The following WARS1 variants were observed in gnomAD, a reference collection of about 807,000 sequenced individuals.
WARS1 encodes tryptophan--tRNA ligase, cytoplasmic.
In WARS1, 17 loss-of-function variants were observed where a neutral mutation model predicts 47.8. The observed-to-expected ratio is 0.36, with a 90% confidence interval of 0.24 to 0.53. WARS1 has a LOEUF of 0.53. Ranked by LOEUF, WARS1 falls within the 20% of genes least tolerant of loss-of-function variation. The pLI is 0.91. For synonymous variants in WARS1, 208 were observed against 228.1 expected (o/e 0.91, Z 0.79); for missense variants, 434 against 608.0 (o/e 0.71, Z 3.01).
chr14:100,350,340 C>T (rs1403947758), intron 6 of WARS1, among the ~76,000 whole-genome samples: 1 of 136,586 alleles, frequency 7.3e-6, no homozygotes, highest in African/African-American at 2.7e-5. Flanking sequence ...TGCAGTAAGC[C>T]GAGATCATGC....
chr14:100,353,491 G>C (rs146626351), intron 6 of WARS1, among the ~76,000 whole-genome samples, 196 bp downstream of exon 6: 1 of 152,164 alleles, frequency 6.6e-6, no homozygotes, highest in Non-Finnish European at 1.5e-5. Flanking sequence ...CTCGTGACCC[G>C]CCCACCTCGG....
chr14:100,352,632 A>G (rs1895069447), intron 6 of WARS1, among the ~76,000 whole-genome samples: 1 of 152,094 alleles, frequency 6.6e-6, no homozygotes, highest in Admixed American at 6.5e-5. Context: ...CTGGGGAATC[A>G]CTTTAGGGGA....
At chr14:100,356,189 G>T (rs1429005261) in intron 4 of WARS1, among the ~76,000 whole-genome samples, 1 of 152,154 alleles carries the variant, frequency 6.6e-6, no homozygotes, top group Non-Finnish European at 1.5e-5. Flanking sequence ...AAATTAGACA[G>T]AGGGGCAGTT....
At chr14:100,347,939 C>A (rs1033614318) in intron 6 of WARS1, among the ~76,000 whole-genome samples, 1 of 152,184 alleles carries the variant, frequency 6.6e-6, no homozygotes, top group African/African-American at 2.4e-5. Flanking sequence ...CTAGGCCCTA[C>A]CATGTGTTAG....
At chr14:100,343,458 C>T in intron 7 of WARS1, 71 bp from the exon 8 acceptor site, 1 of 1,133,292 alleles carries the variant, frequency 8.8e-7, no homozygotes, top group Non-Finnish European at 1.2e-6. Context: ...AAGGAATGAA[C>T]AAAAACAGGT....
At position 100,334,644 on chromosome 14, in the gene WARS1, A is replaced by T. The variant is rs1246020161; in HGVS notation, c.*231T>A. 4.5e-6 allele frequency: 2 copies of T among 441,848 alleles called. No homozygotes were observed. Among genetic ancestry groups the T allele is most frequent in the Non-Finnish European group, 8.0e-6 (2 of 249,406 alleles). The allele number at this position is 441,848 out of a possible 1,614,324, so 27.4% of individuals were successfully genotyped here. A position where few individuals can be genotyped will look rare whatever the true frequency, so the allele number is the denominator to read the frequency against. On this transcript the variant is annotated 3_prime_UTR_variant, in exon 11 of 11. Transcript: ENST00000392882. ...ACTCACAGCTGGACTTCTCTATCCG[A>T]CCATGCAATGTTAGCCAGCACCAAT...
At chr14:100,357,336 T>C (rs1170096034) in intron 4 of WARS1, among the ~76,000 whole-genome samples, 1 of 152,154 alleles carries the variant, frequency 6.6e-6, no homozygotes, top group Non-Finnish European at 1.5e-5. Flanking sequence ...TAAAACTGTC[T>C]CTAATCATAG....
At chr14:100,360,518 G>A in intron 4 of WARS1, 36 bp downstream of exon 4, 1 of 1,502,688 alleles carries the variant, frequency 6.7e-7, no homozygotes, top group Non-Finnish European at 9.2e-7. Flanking sequence ...AAAAGAAGAG[G>A]ACAGGTGAGA....
rs1419776676 is a variant in WARS1 at position 100,337,128 on chromosome 14, C to T, written c.1188G>A (p.Val396=). The T allele has an allele frequency of 6.2e-7, 1 of 1,614,218 alleles. No homozygotes were observed. Among genetic ancestry groups the T allele is most frequent in the Admixed American group, 1.7e-5 (1 of 60,028 alleles). Residue 396 remains valine, a synonymous_variant, in exon 10 of 11, where the codon GTG becomes GTA. Coordinates refer to ENST00000392882, the MANE Select transcript of WARS1 (RefSeq NM_004184.4). ...EHRQFGGNCD[V]DVSFMYLTFF... The stretch of plus-strand genomic sequence containing the variant: ...AGGTCAGGTACATGAAAGACACGTC[C>T]ACATCACAGTTGCCCCCAAACTGCC...
Position 100,342,415 on chromosome 14 carries a change from T to C in WARS1, c.1096A>G (p.Lys366Glu). The C allele has an allele frequency of 2.5e-6, 4 of 1,613,956 alleles. No individual in the cohort carries two copies. The highest frequency in any genetic ancestry group is 3.4e-6 in the Non-Finnish European group (4 of 1,179,912). The change falls in exon 9 of 11, where the codon AAG (lysine) becomes GAG (glutamate). Residue 366 changes from lysine to glutamate, a missense_variant. This residue lies in a region of WARS1 where 347 missense variants were observed against 523.8 expected (regional missense o/e 0.66). Coordinates refer to ENST00000392882, the MANE Select transcript of WARS1 (RefSeq NM_004184.4). ...NSSIFLTDTAKQIKTKVNKHA... is the reference protein window; with the variant it reads ...NSSIFLTDTAEQIKTKVNKHA... ...CTGCTCACCTTGGTTTTGATCTGCTTGGCCGTGTCGGTGAGGAAGATGGAG... is the reference window on the plus strand; with the variant it reads ...CTGCTCACCTTGGTTTTGATCTGCTCGGCCGTGTCGGTGAGGAAGATGGAG...
chr14:100,352,973 A>G (rs991088654), intron 6 of WARS1: 5 of 152,238 alleles, frequency 3.3e-5, no homozygotes, highest in Non-Finnish European at 7.3e-5. Context: ...TTTCTCTGTG[A>G]GGAAAAGGTG....
At chr14:100,368,259 C>T (rs1005708014) in intron 2 of WARS1, 4 of 346,290 alleles carry the variant, frequency 1.2e-5, no homozygotes, top group Non-Finnish European at 2.3e-5. Context: ...CAAATATTAA[C>T]TCCAGAGAAA....
In WARS1 at chr14:100,334,895, G is replaced by A. The variant is rs187196177; in HGVS notation, c.1396C>T (p.Leu466=). Residue 466 remains leucine, a synonymous_variant, in exon 11 of 11, where the codon CTG becomes TTG. Transcript: ENST00000392882. Reference sequence around the variant, plus strand: ...GAGTGCTACTGAAAGTCGAAGGACAGCTTCCGGGGAGTCATGAACTCTTTC... The same window carrying A: ...GAGTGCTACTGAAAGTCGAAGGACAACTTCCGGGGAGTCATGAACTCTTTC... ...IVKEFMTPRK[L]SFDFQ The A allele has an allele frequency of 1.2e-6, 2 of 1,614,022 alleles. No homozygotes were observed. Among genetic ancestry groups the A allele is most frequent in the African/African-American group, 2.7e-5 (2 of 74,946 alleles).
intron 9 of WARS1, among the ~76,000 whole-genome samples, chr14:100,341,818 G>A (rs1570305): frequency 0.74 from 112,599 of 152,142 alleles, 42,493 homozygotes; most frequent in East Asian, 0.87. Flanking sequence ...TCTGGGAGAA[G>A]ACCAGCTCAT....
intron 1 of WARS1, among the ~76,000 whole-genome samples, chr14:100,371,447 C>CAAAAAGAAAAAAAAAAAAAAAAAAA (rs1896340258): frequency 1.1e-5 from 1 of 89,102 alleles, no homozygotes; most frequent in Admixed American, 9.6e-5. Flanking sequence ...GGTTCTGTCT[C>CAAAAAGAAAAAAAAAAAAAAAAAAA]AAAAAAAAAA....
rs910767981 is a variant in WARS1, at chr14:100,361,827, C to T, written c.194G>A (p.Gly65Glu). 2.5e-6 allele frequency: 4 copies of T among 1,614,022 alleles called. No homozygotes were observed. The African/African-American group carries it at 4.0e-5, about 16-fold the overall frequency. ...ATGATTACTGGTAGGTGCTGGGTTCCCTGGAGGACAGTCAGCCTTGTAATC... is the reference window on the plus strand; with the variant it reads ...ATGATTACTGGTAGGTGCTGGGTTCTCTGGAGGACAGTCAGCCTTGTAATC... ...GEDYKADCPP[G>E]NPAPTSNHGP... Residue 65 changes from glycine to glutamate, a missense_variant, in exon 3 of 11, where the codon GGG (glycine) becomes GAG (glutamate). Around this residue, in one of 2 missense-constraint regions of WARS1, gnomAD observed 87 missense variants for 84.2 expected, o/e 1.03. Coordinates refer to ENST00000392882, the MANE Select transcript of WARS1 (RefSeq NM_004184.4).
chr14:100,353,780 G>A lies in WARS1; in HGVS notation c.632C>T (p.Ala211Val). 1 of 1,614,118 alleles carries A rather than the reference G, an allele frequency of 6.2e-7. No individual in the cohort carries two copies. The highest frequency in any genetic ancestry group is 8.5e-7 in the Non-Finnish European group (1 of 1,180,038). ...GGCATTCTCCACAGCATAGCTATAG[G>A]CCTGGTCCAGGGTCAGGTCCTTCCA... ...YLWKDLTLDQ[A>V]YSYAVENAKD... Residue 211 changes from alanine to valine, a missense_variant, in exon 6 of 11, where the codon GCC becomes GTC. Ala to Val is a moderately conservative substitution (Grantham distance 64). Around this residue, in one of 2 missense-constraint regions of WARS1, gnomAD observed 347 missense variants for 523.8 expected, o/e 0.66. Coordinates refer to ENST00000392882, the MANE Select transcript of WARS1 (RefSeq NM_004184.4).
intron 1 of WARS1, among the ~76,000 whole-genome samples, chr14:100,372,646 G>A (rs1024131297): frequency 2.6e-5 from 4 of 152,134 alleles, no homozygotes; most frequent in African/African-American, 9.7e-5. Context: ...ATCAAATAAC[G>A]ATCAAACTCA....
At chr14:100,371,890 G>A (rs557013056) in intron 1 of WARS1, among the ~76,000 whole-genome samples, 2 of 152,288 alleles carry the variant, frequency 1.3e-5, no homozygotes, top group South Asian at 4.1e-4. Flanking sequence ...CCCAAGCTAA[G>A]CCACCATATC....
Sources: gnomAD v4.1 joint callset for allele counts (sites outside exome capture counted in the v4.1 genomes callset) on GRCh38, gnomAD v4.1.1 for gene constraint, gnomAD v4.1.1 regional missense constraint, MANE v1.5 for transcripts, NCBI Gene and HGNC (gene_info 2026-07-23, HGNC 2026-07-21) for gene names.